The following CCDC138 variants were observed in gnomAD, a reference collection of about 807,000 sequenced individuals.
CCDC138 encodes coiled-coil domain containing 138, also known as coiled-coil domain-containing protein 138.
Under a neutral mutation model 82.3 loss-of-function variants are expected in CCDC138, and 66 were observed. The ratio of observed to expected loss-of-function variants is 0.80; its 90% confidence interval spans 0.66 to 0.98. CCDC138 has a LOEUF of 0.98. Ranked by LOEUF, CCDC138 falls within the 50% of genes least tolerant of loss-of-function variation. The pLI is 0.00. For synonymous variants in CCDC138, 297 were observed against 265.4 expected, an observed-to-expected ratio of 1.12 and a Z score of -1.16; for missense variants, 816 against 758.9, an observed-to-expected ratio of 1.08 and a Z score of -0.88.
At chr2:108,849,215 C>G (rs1222156229) in intron 12 of CCDC138, among the ~76,000 whole-genome samples, 3 of 152,168 alleles carry the variant, frequency 2.0e-5, no homozygotes, top group Non-Finnish European at 4.4e-5. Flanking sequence ...AACAGAACAT[C>G]AGTGAGTTTT....
intron 13 of CCDC138, among the ~76,000 whole-genome samples, chr2:108,860,812 T>A (rs1209319211): frequency 2.0e-5 from 3 of 151,952 alleles, no homozygotes; most frequent in Non-Finnish European, 2.9e-5. Flanking sequence ...TGATACTGGG[T>A]TTTGGAATGA....
exon 3 of CCDC138, chr2:108,885,457 T>C (rs1164197161): frequency 1.3e-5 from 2 of 152,256 alleles, no homozygotes; most frequent in Non-Finnish European, 2.9e-5. Context: ...TGAAAAGTTA[T>C]ACAATAAAAT....
chr2:108,809,448 TTGTGTGTGTG>T (rs56122981), intron 7 of CCDC138, among the ~76,000 whole-genome samples: 3,425 of 141,200 alleles, frequency 0.024, 129 homozygotes, highest in African/African-American at 0.085. Context: ...ACATGAAATG[TTGTGTGTGTG>T]TGTGTGTGTG....
intron 6 of CCDC138, among the ~76,000 whole-genome samples, chr2:108,800,439 A>G (rs552845806): frequency 9.2e-5 from 14 of 151,696 alleles, no homozygotes; most frequent in Admixed American, 7.2e-4. Flanking sequence ...TAATTTTTGT[A>G]TTTTTAGTAG....
downstream of CCDC138, among the ~76,000 whole-genome samples, chr2:108,879,343 A>T (rs1696222526): frequency 1.3e-5 from 2 of 152,220 alleles, no homozygotes; most frequent in South Asian, 2.1e-4. Flanking sequence ...TTACAAGTGG[A>T]TTGTTTTAAA....
At chr2:108,824,999 G>C (rs2150121044) in intron 10 of CCDC138, among the ~76,000 whole-genome samples, 1 of 152,266 alleles carries the variant, frequency 6.6e-6, no homozygotes, top group African/African-American at 2.4e-5. Flanking sequence ...CTTTCATATG[G>C]AACTAGACAT....
rs370372367 is a variant in CCDC138, at chr2:108,786,792, C to T, written c.-31C>T. On this transcript the variant is annotated 5_prime_UTR_variant, in exon 1 of 15. Coordinates refer to ENST00000295124, the MANE Select transcript of CCDC138 (RefSeq NM_144978.3). ...CGCCGCGGGTTTGATGAACGCGGTT[C>T]CCGGGGAGACTGGTACGGTTGCTGT... 1.3e-4 allele frequency: 196 copies of T among 1,560,756 alleles called. 1 individual carries two copies. The highest frequency in any genetic ancestry group is 1.7e-4 in the Non-Finnish European group (193 of 1,149,682).
At chr2:108,829,506 G>T (rs1404805322) in intron 10 of CCDC138, among the ~76,000 whole-genome samples, 1 of 152,212 alleles carries the variant, frequency 6.6e-6, no homozygotes, top group Non-Finnish European at 1.5e-5. Flanking sequence ...AGCACTTTGG[G>T]AGGCCAAGGC....
intron 2 of CCDC138, 144 bp downstream of exon 2, chr2:108,788,233 A>G (rs953876393): frequency 4.1e-6 from 3 of 737,516 alleles, no homozygotes; most frequent in Middle Eastern, 4.5e-4. Context: ...ACTCAGGCCA[A>G]CATAGTGAAA....
chr2:108,838,566 C>G (rs1688950111), intron 10 of CCDC138, among the ~76,000 whole-genome samples: 1 of 151,936 alleles, frequency 6.6e-6, no homozygotes, highest in African/African-American at 2.4e-5. Flanking sequence ...TAGAATATGT[C>G]TTTATGGTCC....
intron 12 of CCDC138, among the ~76,000 whole-genome samples, chr2:108,856,214 C>G (rs1692571146): frequency 6.6e-6 from 1 of 152,118 alleles, no homozygotes; most frequent in Non-Finnish European, 1.5e-5. Context: ...GTTGTCACAG[C>G]ACTGGCCTGG....
chr2:108,844,828 A>G (rs1574189210), intron 11 of CCDC138, among the ~76,000 whole-genome samples: 1 of 151,108 alleles, frequency 6.6e-6, no homozygotes, highest in South Asian at 2.1e-4. Flanking sequence ...GCTCACTGCA[A>G]CCTCCGACTC....
chr2:108,838,125 C>T (rs1034337461), intron 10 of CCDC138, among the ~76,000 whole-genome samples: 6 of 151,980 alleles, frequency 3.9e-5, no homozygotes, highest in Non-Finnish European at 7.4e-5. Flanking sequence ...GGTAAGATTA[C>T]GGCAGAGAAT....
At chr2:108,865,596 T>G (rs1463647831) in intron 13 of CCDC138, among the ~76,000 whole-genome samples, 2 of 152,206 alleles carry the variant, frequency 1.3e-5, no homozygotes. Flanking sequence ...TTTCAAACCT[T>G]CATGCCAGTC....
At chr2:108,820,526 C>A (rs947114423) in intron 10 of CCDC138, among the ~76,000 whole-genome samples, 1 of 151,736 alleles carries the variant, frequency 6.6e-6, no homozygotes, top group Non-Finnish European at 1.5e-5. Context: ...TAAAGACACC[C>A]CCTCTAACAT....
chr2:108,848,163 TTAAC>T lies in CCDC138; in HGVS notation c.1516+1237_1516+1240del, dbSNP rs1262793559. On this transcript the variant is annotated intron_variant, in intron 12 of 14. Coordinates refer to ENST00000295124, the MANE Select transcript of CCDC138 (RefSeq NM_144978.3). Reference sequence around the variant, plus strand: ...AGAAAAATTATTAATCATTTATCATTTAACTAAGATGTTTGAAATAATATGTCAA... The same window carrying T: ...AGAAAAATTATTAATCATTTATCATTTAAGATGTTTGAAATAATATGTCAA... Among the ~76,000 whole-genome samples the T allele has an allele frequency of 1.2e-4, 19 of 152,340 alleles. No individual in the cohort carries two copies. In the East Asian group the frequency reaches 1.9e-3, roughly 15 times the overall value.
chr2:108,834,525 T>G (rs2150338354), intron 10 of CCDC138, among the ~76,000 whole-genome samples: 1 of 152,304 alleles, frequency 6.6e-6, no homozygotes, highest in African/African-American at 2.4e-5. Context: ...TGAAAATGTC[T>G]TTTTATACAC....
intron 6 of CCDC138, among the ~76,000 whole-genome samples, chr2:108,800,638 TA>T (rs1553513539): frequency 2.3e-4 from 17 of 73,730 alleles, no homozygotes; most frequent in South Asian, 1.1e-3. Flanking sequence ...TTTTTTTTTT[TA>T]ATTATACTTT....
chr2:108,824,797 A>T (rs1686291337), intron 10 of CCDC138, among the ~76,000 whole-genome samples: 1 of 152,162 alleles, frequency 6.6e-6, no homozygotes. Context: ...TCACAAACAC[A>T]TGAATAATTT....
Sources: gnomAD v4.1 joint callset for allele counts (sites outside exome capture counted in the v4.1 genomes callset) on GRCh38, gnomAD v4.1.1 for gene constraint, MANE v1.5 for transcripts, NCBI Gene and HGNC (gene_info 2026-07-23, HGNC 2026-07-21) for gene names.